LRP1B: variants seen among roughly 807,000 people sequenced by gnomAD.
The protein encoded by LRP1B is LDL receptor related protein 1B.
Under a neutral mutation model 556.6 loss-of-function variants are expected in LRP1B, and 217 were observed. That is an observed-to-expected ratio of 0.39 (90% CI 0.35 to 0.44). LRP1B has a LOEUF of 0.44. Among genes scored for constraint, LRP1B ranks in the 20% least tolerant of loss-of-function variants. LRP1B has a pLI of 1.00. For missense variants in LRP1B, 5,053 were observed against 5,620.8 expected, an observed-to-expected ratio of 0.90 and a Z score of 3.23; for synonymous variants, 2,047 against 1,865.8, an observed-to-expected ratio of 1.10 and a Z score of -2.50.
intron 2 of LRP1B, among the ~76,000 whole-genome samples, chr2:141,642,846 T>G (rs1689391023): frequency 6.6e-6 from 1 of 152,142 alleles, no homozygotes; most frequent in African/African-American, 2.4e-5. Flanking sequence ...CAAGGTCCAT[T>G]TTGTAGCGAG....
chr2:140,978,383 T>C (rs961330056), intron 18 of LRP1B, among the ~76,000 whole-genome samples: 1 of 152,284 alleles, frequency 6.6e-6, no homozygotes, highest in Admixed American at 6.5e-5. Flanking sequence ...ACAGTAGCCA[T>C]AACCCTAACA....
Position 140,528,562 on chromosome 2 carries a change from CAG to C in LRP1B, c.7763-2214_7763-2213del, listed in dbSNP as rs1284693231. Among the ~76,000 whole-genome samples, 21 of 151,530 alleles carry C rather than the reference CAG, an allele frequency of 1.4e-4. No homozygotes were observed. In the South Asian group the frequency reaches 4.4e-3, roughly 32 times the overall value. On this transcript the variant is annotated intron_variant, in intron 47 of 90. Transcript: ENST00000389484. Reference sequence around the variant, plus strand: ...TGGGAGGGGGACAAGGATGGGCTATCAGAGTGTGTAAGAGGTGCAAGTAGGAA... The same window carrying C: ...TGGGAGGGGGACAAGGATGGGCTATCAGTGTGTAAGAGGTGCAAGTAGGAA...
chr2:141,348,508 A>C (rs1688333940), intron 3 of LRP1B, among the ~76,000 whole-genome samples: 1 of 152,006 alleles, frequency 6.6e-6, no homozygotes, highest in Admixed American at 6.6e-5. Flanking sequence ...TTTGGGCATT[A>C]GTTTAATGGC....
chr2:140,651,408 C>T (rs1188519080), intron 41 of LRP1B, among the ~76,000 whole-genome samples: 2 of 144,620 alleles, frequency 1.4e-5, no homozygotes, highest in African/African-American at 5.1e-5. Context: ...TGCTAGATAA[C>T]GAGTTAGTGG....
Position 140,752,246 on chromosome 2 carries a change from CA to C in LRP1B, c.5758+16966del, listed in dbSNP as rs747588347. Among the ~76,000 whole-genome samples, 3 of 151,248 alleles carry C rather than the reference CA, an allele frequency of 2.0e-5. No individual in the cohort carries two copies. The South Asian group carries it at 6.3e-4, about 32-fold the overall frequency. ...GAAGAATTACTTGAAAACAAACAAA[CA>C]AACAAAACACTTAGCCACGGAATAA... On this transcript the variant is annotated intron_variant, in intron 35 of 90. Transcript: ENST00000389484.
intron 1 of LRP1B, among the ~76,000 whole-genome samples, chr2:141,898,878 G>A (rs1002624056): frequency 6.6e-6 from 1 of 152,106 alleles, no homozygotes; most frequent in East Asian, 1.9e-4. Context: ...TGGAAGATGT[G>A]CAACCCTGTC....
intron 41 of LRP1B, among the ~76,000 whole-genome samples, chr2:140,653,110 T>C (rs1267375200): frequency 1.3e-5 from 2 of 151,998 alleles, no homozygotes; most frequent in Non-Finnish European, 2.9e-5. Flanking sequence ...ACATTTAACA[T>C]TATAAAACAA....
intron 41 of LRP1B, among the ~76,000 whole-genome samples, chr2:140,665,038 C>A (rs1685219724): frequency 6.6e-6 from 1 of 151,978 alleles, no homozygotes; most frequent in Non-Finnish European, 1.5e-5. Context: ...TTGTATCTTA[C>A]CTTTAGAGAT....
chr2:141,314,305 C>T (rs1686916697), intron 3 of LRP1B, among the ~76,000 whole-genome samples: 1 of 152,088 alleles, frequency 6.6e-6, no homozygotes, highest in South Asian at 2.1e-4. Flanking sequence ...GGGATACATT[C>T]CCTCTTAAAC....
chr2:140,345,783 TATATACACATATATAC>T (rs1681632681), intron 77 of LRP1B, among the ~76,000 whole-genome samples: 2 of 142,968 alleles, frequency 1.4e-5, no homozygotes, highest in Non-Finnish European at 3.0e-5. Context: ...TATATACATA[TATATACACATATATAC>T]ATATATACAC....
chr2:141,601,635 CTTCCTTCCTTTT>C (rs904232956), intron 2 of LRP1B, among the ~76,000 whole-genome samples: 1 of 141,142 alleles, frequency 7.1e-6, no homozygotes, highest in African/African-American at 2.6e-5. Flanking sequence ...TCCTTCCTTC[CTTCCTTCCTTTT>C]TTTTTCCTTC....
At chr2:140,631,495 A>G (rs1683882753) in intron 41 of LRP1B, among the ~76,000 whole-genome samples, 1 of 152,376 alleles carries the variant, frequency 6.6e-6, no homozygotes, top group East Asian at 1.9e-4. Context: ...TGGTGGAAAT[A>G]AAAAACACTG....
At chr2:141,190,236 C>T (rs1482907583) in intron 6 of LRP1B, among the ~76,000 whole-genome samples, 1 of 151,888 alleles carries the variant, frequency 6.6e-6, no homozygotes, top group Non-Finnish European at 1.5e-5. Context: ...TTTTTGGAGT[C>T]GTATACTCTG....
intron 52 of LRP1B, among the ~76,000 whole-genome samples, chr2:140,509,450 T>C (rs1689560401): frequency 6.6e-6 from 1 of 152,140 alleles, no homozygotes; most frequent in Non-Finnish European, 1.5e-5. Context: ...TCCATACTAT[T>C]TTTACATGAC....
In LRP1B at chr2:141,455,850, ATCAT is replaced by A. The variant is rs1296788729; in HGVS notation, c.343+24542_343+24545del. On this transcript the variant is annotated intron_variant, in intron 3 of 90. Transcript: ENST00000389484. The stretch of plus-strand genomic sequence containing the variant: ...GTGAAATTTCATCAAGATATTATCT[ATCAT>A]TCAAAGAATAATGAGATTTCCCAGT... 4.0e-4 allele frequency among the ~76,000 whole-genome samples: 61 copies of A among 152,370 alleles called. No individual in the cohort carries two copies. The Middle Eastern group carries it at 0.017, about 42-fold the overall frequency.
intron 2 of LRP1B, among the ~76,000 whole-genome samples, chr2:141,639,363 C>T (rs1326118328): frequency 1.7e-4 from 11 of 66,058 alleles, no homozygotes; most frequent in African/African-American, 4.9e-4. Flanking sequence ...CACACACACA[C>T]ATATATATAT....
chr2:140,497,986 T>C (rs1689022615), intron 55 of LRP1B, among the ~76,000 whole-genome samples: 1 of 151,942 alleles, frequency 6.6e-6, no homozygotes, highest in African/African-American at 2.4e-5. Context: ...TCTGTTAATC[T>C]ATTTTAATAA....
chr2:140,348,709 T>C (rs1309867078), intron 77 of LRP1B, among the ~76,000 whole-genome samples: 1 of 152,002 alleles, frequency 6.6e-6, no homozygotes, highest in African/African-American at 2.4e-5. Flanking sequence ...CTATAACACA[T>C]TAATAAAGTT....
chr2:140,682,135 T>C (rs531424630), intron 41 of LRP1B, among the ~76,000 whole-genome samples: 2 of 152,328 alleles, frequency 1.3e-5, no homozygotes, highest in South Asian at 4.1e-4. Context: ...GTTTCATCCT[T>C]ATGGTTATTT....
Sources: gnomAD v4.1 joint callset for allele counts (sites outside exome capture counted in the v4.1 genomes callset) on GRCh38, gnomAD v4.1.1 for gene constraint, MANE v1.5 for transcripts, NCBI Gene and HGNC (gene_info 2026-07-23, HGNC 2026-07-21) for gene names.